Variants in PCDHGA1 observed in about 807,000 individuals in gnomAD.
PCDHGA1 encodes protocadherin gamma subfamily A, 1.
A neutral mutation model predicts 58.0 loss-of-function variants in PCDHGA1; 32 were observed. The ratio of observed to expected loss-of-function variants is 0.55; its 90% CI spans 0.42 to 0.74. PCDHGA1 has a LOEUF of 0.74. Ranked by LOEUF, PCDHGA1 falls within the 30% of genes least tolerant of loss-of-function variation. The pLI is 0.00. For synonymous variants in PCDHGA1, 498 were observed against 501.1 expected (o/e 0.99, Z 0.08); for missense variants, 1,205 against 1,182.3 (o/e 1.02, Z -0.28).
At chr5:141,338,790 G>A (rs964544667) in intron 1 of PCDHGA1, 2 of 1,350,076 alleles carry the variant, frequency 1.5e-6, no homozygotes, top group South Asian at 2.2e-5. Context: ...ACAGCACAAG[G>A]GGGTGGAGGT....
At chr5:141,350,576 GT>G (rs1561497816) in intron 1 of PCDHGA1, 2 of 1,614,038 alleles carry the variant, frequency 1.2e-6, no homozygotes, top group South Asian at 2.2e-5. Context: ...ATTCGAAACG[GT>G]CGCTGAAAAC....
At chr5:141,422,611 A>C in intron 1 of PCDHGA1, 3 of 1,613,762 alleles carry the variant, frequency 1.9e-6, no homozygotes, top group Non-Finnish European at 2.5e-6. Flanking sequence ...CTCTGCCTAC[A>C]TTCCCGAAAA....
intron 1 of PCDHGA1, chr5:141,374,714 G>C (rs1236113306): frequency 1.2e-6 from 2 of 1,609,850 alleles, no homozygotes; most frequent in South Asian, 2.2e-5. Flanking sequence ...TTACCGCCTG[G>C]TCCTTACTGC....
intron 1 of PCDHGA1, chr5:141,426,979 A>G (rs762085745): frequency 4.2e-5 from 19 of 456,640 alleles, no homozygotes; most frequent in Non-Finnish European, 7.5e-5. Flanking sequence ...GAGGTCACTG[A>G]TGCCAACGAT....
chr5:141,441,162 G>A (rs1009205566), intron 1 of PCDHGA1: 48 of 152,166 alleles, frequency 3.2e-4, no homozygotes, highest in Admixed American at 1.5e-3. Flanking sequence ...TCCTAGAGGC[G>A]ATTTTTACTT....
intron 1 of PCDHGA1, chr5:141,441,448 A>T (rs1415765869): frequency 1.2e-5 from 2 of 161,528 alleles, no homozygotes; most frequent in Non-Finnish European, 2.7e-5. Context: ...CAGCCCAAGC[A>T]TCACCCTACT....
At chr5:141,456,175 A>G (rs2154565434) in intron 1 of PCDHGA1, among the ~76,000 whole-genome samples, 1 of 151,840 alleles carries the variant, frequency 6.6e-6, no homozygotes, top group East Asian at 1.9e-4. Context: ...GGGATTACAG[A>G]ATAATTTCTT....
chr5:141,418,620 A>T lies in PCDHGA1; in HGVS notation c.2422-76187A>T, dbSNP rs762197476. 180 of 1,613,904 alleles carry T rather than the reference A, an allele frequency of 1.1e-4. No homozygotes were observed. The highest frequency in any genetic ancestry group is 1.5e-4 in the Non-Finnish European group (172 of 1,179,900). On this transcript the variant is annotated intron_variant, in intron 1 of 3. Coordinates refer to ENST00000517417, the MANE Select transcript of PCDHGA1 (RefSeq NM_018912.3). The stretch of plus-strand genomic sequence containing the variant: ...GTGTACAGGGTTAGCCTTCGGGAAG[A>T]CGTGCCTCCAGGCACCTCCATCCTG...
At chr5:141,447,182 C>G (rs1205769161) in intron 1 of PCDHGA1, among the ~76,000 whole-genome samples, 1 of 152,126 alleles carries the variant, frequency 6.6e-6, no homozygotes, top group Non-Finnish European at 1.5e-5. Flanking sequence ...TCTTGTCGCG[C>G]AGGCTGGAGT....
chr5:141,383,541 C>T lies in PCDHGA1; in HGVS notation c.2421+50436C>T, dbSNP rs1197504109. 4 of 1,612,656 alleles carry T rather than the reference C, an allele frequency of 2.5e-6. No individual in the cohort carries two copies. In the East Asian group the frequency reaches 6.7e-5, roughly 27 times the overall value. ...GGGTTCACCACCTGGTCCTCACAGC[C>T]TCTGATGGCGGCGACCCGCCCCGAT... On this transcript the variant is annotated intron_variant, in intron 1 of 3. Coordinates refer to ENST00000517417, the MANE Select transcript of PCDHGA1 (RefSeq NM_018912.3).
At chr5:141,357,338 C>T (rs749392491) in intron 1 of PCDHGA1, 1 of 1,614,128 alleles carries the variant, frequency 6.2e-7, no homozygotes, top group Non-Finnish European at 8.5e-7. Context: ...GTGCTGCTAG[C>T]ACTCAAGCTG....
In PCDHGA1 at chr5:141,404,896, C is replaced by T. The variant is rs182502698; in HGVS notation, c.2421+71791C>T. ...AGAGCCTTGTGGTGGCTGTACAGGA[C>T]CATGGCCAGCCCCCTCTCTCGGCCA... On this transcript the variant is annotated intron_variant, in intron 1 of 3. Transcript: ENST00000517417. The T allele has an allele frequency of 3.7e-5, 59 of 1,613,884 alleles. No homozygotes were observed. The Admixed American group carries it at 8.3e-4, about 23-fold the overall frequency.
intron 1 of PCDHGA1, chr5:141,409,449 C>A (rs1317609642): frequency 6.2e-7 from 1 of 1,613,934 alleles, no homozygotes; most frequent in South Asian, 1.1e-5. Flanking sequence ...GAGCAGACAC[C>A]AGAATACAAT....
chr5:141,450,006 C>CT lies in PCDHGA1; in HGVS notation c.2422-44783dup, dbSNP rs1554136305. ...CACATTGCATTTAGTTGCCATGTCT[C>CT]TTTTTTTTTTTTTTTTTTGAGACAG... On this transcript the variant is annotated intron_variant, in intron 1 of 3. Coordinates refer to ENST00000517417, the MANE Select transcript of PCDHGA1 (RefSeq NM_018912.3). Among the ~76,000 whole-genome samples the CT allele has an allele frequency of 9.8e-3, 1,304 of 132,922 alleles. 21 individuals are homozygous for CT. Among genetic ancestry groups the CT allele is most frequent in the Non-Finnish European group, 0.015 (957 of 62,878 alleles). 87.2% of individuals were successfully genotyped at this position (132,922 alleles called of 152,430 possible).
Position 141,352,282 on chromosome 5 carries a change from C to T in PCDHGA1, c.2421+19177C>T, listed in dbSNP as rs1249351174. The T allele has an allele frequency of 5.0e-6, 8 of 1,614,084 alleles. No homozygotes were observed. In the Admixed American group the frequency reaches 1.2e-4, roughly 24 times the overall value. On this transcript the variant is annotated intron_variant, in intron 1 of 3. Transcript: ENST00000517417. ...AGGTATTGCCAGACCTCAGCGACCG[C>T]CCTGAGCCCTCTGACCCCCAGACGG... is the stretch of plus-strand genomic sequence containing the variant.
chr5:141,349,501 C>A (rs1758306150), intron 1 of PCDHGA1, among the ~76,000 whole-genome samples: 1 of 152,136 alleles, frequency 6.6e-6, no homozygotes, highest in Non-Finnish European at 1.5e-5. Context: ...AAATATCAGA[C>A]TTTGTCCTAC....
intron 1 of PCDHGA1, chr5:141,419,325 A>G (rs1490162008): frequency 6.2e-7 from 1 of 1,613,586 alleles, no homozygotes; most frequent in Non-Finnish European, 8.5e-7. Flanking sequence ...CGTGTCTCCT[A>G]CTCTCTCATT....
chr5:141,380,612 A>G (rs1163500028), intron 1 of PCDHGA1, among the ~76,000 whole-genome samples: 1 of 152,204 alleles, frequency 6.6e-6, no homozygotes, highest in African/African-American at 2.4e-5. Context: ...TAATTTTATG[A>G]TGTTCGATAA....
intron 1 of PCDHGA1, among the ~76,000 whole-genome samples, chr5:141,471,778 A>T (rs2099264151): frequency 6.6e-6 from 1 of 152,244 alleles, no homozygotes; most frequent in Non-Finnish European, 1.5e-5. Flanking sequence ...TGAGTTTGAC[A>T]TTATGCTATG....
Sources: gnomAD v4.1 joint callset for allele counts (sites outside exome capture counted in the v4.1 genomes callset) on GRCh38, gnomAD v4.1.1 for gene constraint, MANE v1.5 for transcripts, NCBI Gene and HGNC (gene_info 2026-07-23, HGNC 2026-07-21) for gene names.